PCDHGA6: variants seen among roughly 807,000 people sequenced by gnomAD.
The protein encoded by PCDHGA6 is protocadherin gamma-A6.
In PCDHGA6, 41 loss-of-function variants were observed where a neutral mutation model predicts 60.6. The observed-to-expected ratio is 0.68, with a 90% confidence interval of 0.53 to 0.88. The LOEUF is 0.88. Among genes scored for constraint, PCDHGA6 ranks in the 40% least tolerant of loss-of-function variants. The pLI is 0.00. For missense variants in PCDHGA6, 1,312 were observed against 1,203.0 expected, an observed-to-expected ratio of 1.09 and a Z score of -1.34; for synonymous variants, 594 against 524.4, an observed-to-expected ratio of 1.13 and a Z score of -1.81.
At chr5:141,418,163 T>G in intron 1 of PCDHGA6, 1 of 1,614,002 alleles carries the variant, frequency 6.2e-7, no homozygotes, top group Non-Finnish European at 8.5e-7. Context: ...GAGAAGAAGA[T>G]GTGAGTTGCA....
chr5:141,465,257 T>C (rs968727090), intron 1 of PCDHGA6, among the ~76,000 whole-genome samples: 19 of 152,310 alleles, frequency 1.2e-4, no homozygotes, highest in Admixed American at 1.2e-3. Flanking sequence ...TTGTAAGCAA[T>C]GATACTAGCC....
intron 1 of PCDHGA6, chr5:141,478,831 G>C: frequency 7.0e-7 from 1 of 1,435,672 alleles, no homozygotes; most frequent in Non-Finnish European, 9.1e-7. Flanking sequence ...ATCTTGCTAA[G>C]GGATGGTTAA....
At chr5:141,448,220 G>A (rs750470070) in intron 1 of PCDHGA6, among the ~76,000 whole-genome samples, 9 of 152,148 alleles carry the variant, frequency 5.9e-5, no homozygotes, top group Non-Finnish European at 1.0e-4. Flanking sequence ...GTATGCGAAT[G>A]TATGTGTGGG....
Position 141,405,365 on chromosome 5 carries a change from C to T in PCDHGA6, c.2424+28858C>T, listed in dbSNP as rs773382376. 2.5e-6 allele frequency: 4 copies of T among 1,613,614 alleles called. No homozygotes were observed. The Admixed American group carries it at 5.0e-5, about 20-fold the overall frequency. On this transcript the variant is annotated intron_variant, in intron 1 of 3. Transcript: ENST00000517434. ...TTCCAAGTTTCCTATAGAAGACACC[C>T]CTTTGGTTCCGGTGAGTTCATTTTT...
intron 1 of PCDHGA6, among the ~76,000 whole-genome samples, chr5:141,472,102 T>C (rs1231168102): frequency 6.6e-6 from 1 of 152,240 alleles, no homozygotes; most frequent in Non-Finnish European, 1.5e-5. Flanking sequence ...ATTCCCATTT[T>C]ATACATAAAG....
rs139153105 is a variant in PCDHGA6 at position 141,432,400 on chromosome 5, G to T, written c.2424+55893G>T. 3.1e-6 allele frequency: 5 copies of T among 1,614,122 alleles called. No homozygotes were observed. In the African/African-American group the frequency reaches 4.0e-5, roughly 13 times the overall value. ...ACCCGCCCCTCAGCAGCAACGTGTC[G>T]TTGAGCCTGTTCGTGCTGGACCAGA... On this transcript the variant is annotated intron_variant, in intron 1 of 3. Transcript: ENST00000517434. The surrounding 1 kb of genome is among the most constrained non-coding windows in gnomAD (Gnocchi z 6.0).
chr5:141,375,467 C>A lies in PCDHGA6; in HGVS notation c.1384C>A (p.Leu462Ile). The change falls in exon 1 of 4, where the codon CTT becomes ATT. Residue 462 changes from leucine to isoleucine, a missense_variant. Transcript: ENST00000517434. ...CCATTCATCCTACTCAGTCTATGTC[C>A]TTGAAAACAACCCCAGGGGTGCCTC... ...FPHSSYSVYV[L>I]ENNPRGASIF... 1 of 1,614,008 alleles carries A rather than the reference C, an allele frequency of 6.2e-7. No individual in the cohort carries two copies. Among genetic ancestry groups the A allele is most frequent in the Non-Finnish European group, 8.5e-7 (1 of 1,180,024 alleles).
chr5:141,397,004 T>A (rs2150690904), intron 1 of PCDHGA6, among the ~76,000 whole-genome samples: 2 of 152,342 alleles, frequency 1.3e-5, no homozygotes, highest in African/African-American at 4.8e-5. Context: ...ATCTGACAAA[T>A]GGACTAAAGA....
intron 1 of PCDHGA6, among the ~76,000 whole-genome samples, chr5:141,462,337 T>C (rs1053544147): frequency 6.6e-6 from 1 of 152,260 alleles, no homozygotes; most frequent in Non-Finnish European, 1.5e-5. Context: ...TTAATTGTAT[T>C]GTGATCCAAA....
intron 1 of PCDHGA6, chr5:141,405,141 A>G (rs749502643): frequency 6.2e-7 from 1 of 1,613,980 alleles, no homozygotes; most frequent in South Asian, 1.1e-5. Flanking sequence ...GCTACCAGTG[A>G]TGGGTTGGCT....
intron 1 of PCDHGA6, among the ~76,000 whole-genome samples, chr5:141,474,404 G>A (rs1014003488): frequency 4.6e-5 from 7 of 152,156 alleles, no homozygotes; most frequent in East Asian, 1.9e-4. Context: ...CAAGCTCCCC[G>A]GTGATGCCTA....
chr5:141,415,953 T>C, intron 1 of PCDHGA6: 3 of 486,080 alleles, frequency 6.2e-6, no homozygotes, highest in Non-Finnish European at 9.4e-6. Context: ...TGGTCACATA[T>C]TGAAACTCCA....
chr5:141,431,408 G>A lies in PCDHGA6; in HGVS notation c.2424+54901G>A. ...CCACCTGGTCCTTACGGCCTCCGAC[G>A]GGGGCGACCCGGTGCGCACAGGCAC... On this transcript the variant is annotated intron_variant, in intron 1 of 3. Transcript: ENST00000517434. The surrounding 1 kb of genome is among the most constrained non-coding windows in gnomAD (Gnocchi z 4.8). 6.2e-7 allele frequency: 1 copy of A among 1,613,718 alleles called. No individual in the cohort carries two copies. The highest frequency in any genetic ancestry group is 2.2e-5 in the East Asian group (1 of 44,882).
At chr5:141,425,695 T>G (rs1329762653) in intron 1 of PCDHGA6, among the ~76,000 whole-genome samples, 1 of 152,232 alleles carries the variant, frequency 6.6e-6, no homozygotes, top group African/African-American at 2.4e-5. Context: ...TATCATTTCA[T>G]AGTGGTCAAA....
At chr5:141,422,013 G>A (rs755656791) in intron 1 of PCDHGA6, 1 of 1,610,536 alleles carries the variant, frequency 6.2e-7, no homozygotes. Context: ...GAACTCGGGT[G>A]CTGATGGTTA....
Position 141,490,672 on chromosome 5 carries a change from G to A in PCDHGA6, c.2425-4135G>A. ...GGGCTCCCTTCTTTGCACTGTGGCT[G>A]CCTCAGATCCAGACACTGGGGATAA... is the stretch of plus-strand genomic sequence containing the variant. On this transcript the variant is annotated intron_variant, in intron 1 of 3. Transcript: ENST00000517434. This position sits in a 1 kb window ranked among gnomAD's most constrained non-coding sequence, Gnocchi z 5.4. 1.2e-6 allele frequency: 2 copies of A among 1,614,114 alleles called. No homozygotes were observed. Among genetic ancestry groups the A allele is most frequent in the Non-Finnish European group, 1.7e-6 (2 of 1,179,996 alleles).
At chr5:141,473,470 A>G (rs555568617) in intron 1 of PCDHGA6, among the ~76,000 whole-genome samples, 2 of 151,816 alleles carry the variant, frequency 1.3e-5, no homozygotes, top group South Asian at 4.2e-4. Flanking sequence ...AGTTGTGCCA[A>G]GTTCAATGGA....
At chr5:141,482,338 T>C (rs2099556539) in intron 1 of PCDHGA6, among the ~76,000 whole-genome samples, 1 of 152,156 alleles carries the variant, frequency 6.6e-6, no homozygotes, top group African/African-American at 2.4e-5. Context: ...ATATCTACTT[T>C]GCAAACTTGT....
rs772962568 is a variant in PCDHGA6, at chr5:141,476,311, G to A, written c.2425-18496G>A. The stretch of plus-strand genomic sequence containing the variant: ...ATCTCGGTAGCCTCTCAGCCCGCAG[G>A]TTCCGGGTGGTGTCTGGAGCTAGCC... On this transcript the variant is annotated intron_variant, in intron 1 of 3. Transcript: ENST00000517434. The surrounding 1 kb of genome is among the most constrained non-coding windows in gnomAD (Gnocchi z 7.6). 13 of 1,613,680 alleles carry A rather than the reference G, an allele frequency of 8.1e-6. No individual in the cohort carries two copies. The African/African-American group carries it at 1.5e-4, about 18-fold the overall frequency.
Sources: gnomAD v4.1 joint callset for allele counts (sites outside exome capture counted in the v4.1 genomes callset) on GRCh38, gnomAD v4.1.1 for gene constraint, Gnocchi (gnomAD v3.1) non-coding constraint, MANE v1.5 for transcripts, NCBI Gene and HGNC (gene_info 2026-07-23, HGNC 2026-07-21) for gene names.